The following TIAM1 variants were observed in gnomAD, a reference collection of about 807,000 sequenced individuals.
TIAM1 encodes the protein TIAM Rac1 associated GEF 1.
In TIAM1, 65 loss-of-function variants were observed where a neutral mutation model predicts 163.5. The ratio of observed to expected loss-of-function variants is 0.40; its 90% CI spans 0.33 to 0.49. The LOEUF (loss-of-function observed/expected upper bound fraction) is 0.49. Ranked by LOEUF, TIAM1 falls within the 20% of genes least tolerant of loss-of-function variation. TIAM1 has a pLI of 0.77. For missense variants in TIAM1, 1,789 were observed against 2,044.7 expected (o/e 0.87, Z 2.41); for synonymous variants, 833 against 810.1 (o/e 1.03, Z -0.48).
intron 2 of TIAM1, among the ~76,000 whole-genome samples, chr21:31,312,083 T>C (rs2074952172): frequency 6.6e-6 from 1 of 152,246 alleles, no homozygotes; most frequent in African/African-American, 2.4e-5. Flanking sequence ...GGCCACAGAC[T>C]GAAGGATGCA....
At chr21:31,427,493 AT>A (rs2043837669) in intron 2 of TIAM1, among the ~76,000 whole-genome samples, 3 of 152,106 alleles carry the variant, frequency 2.0e-5, no homozygotes, top group African/African-American at 2.4e-5. Context: ...TCTCAAAAAA[AT>A]AATAATAAAT....
rs73899663 is a variant in TIAM1, at chr21:31,141,302, G to C, written c.3655+23C>G. 8.0e-3 allele frequency: 12,951 copies of C among 1,613,376 alleles called. 843 individuals are homozygous for C. The African/African-American group carries it at 0.15, about 19-fold the overall frequency. On this transcript the variant is annotated intron_variant, in intron 21 of 27. Coordinates refer to ENST00000541036, the MANE Select transcript of TIAM1 (RefSeq NM_001353694.2). The surrounding 1 kb of genome is among the most constrained non-coding windows in gnomAD (Gnocchi z 4.7). Reference sequence around the variant, plus strand: ...ACCCTCATGGAGACTCAGGCCTGCCGGGGGTCCCAGGCCGAGGCCTACCGT... The same window carrying C: ...ACCCTCATGGAGACTCAGGCCTGCCCGGGGTCCCAGGCCGAGGCCTACCGT...
chr21:31,499,626 C>T (rs113093354), intron 1 of TIAM1, among the ~76,000 whole-genome samples: 7 of 150,982 alleles, frequency 4.6e-5, no homozygotes, highest in East Asian at 2.0e-4. Context: ...CCGAGGAAGA[C>T]GGATAACAAG....
rs2045756525 is a variant in TIAM1, at chr21:31,471,919, G to A, written c.-421-7884C>T. On this transcript the variant is annotated intron_variant, in intron 1 of 28. Transcript: ENST00000286827. ...TAATAATAAAGGGAGTGGCAAGCCA[G>A]CCAGGCAATGCCACCTGAGAGGGGC... is the stretch of plus-strand genomic sequence containing the variant. Among the ~76,000 whole-genome samples, 3 of 149,794 alleles carry A rather than the reference G, an allele frequency of 2.0e-5. No individual in the cohort carries two copies. In the South Asian group the frequency reaches 6.2e-4, roughly 31 times the overall value.
At chr21:31,225,670 AAC>A in intron 7 of TIAM1, 54 bp downstream of exon 7, 2 of 1,456,198 alleles carry the variant, frequency 1.4e-6, no homozygotes, top group Non-Finnish European at 9.4e-7. Flanking sequence ...AAAAAAAAAA[AAC>A]CCTTTTAGAG....
chr21:31,349,397 A>G (rs942606950), intron 2 of TIAM1, among the ~76,000 whole-genome samples: 3 of 152,168 alleles, frequency 2.0e-5, no homozygotes, highest in African/African-American at 7.2e-5. Context: ...GCAATAAACC[A>G]TATGGGGCCA....
chr21:31,223,487 C>A lies in TIAM1; in HGVS notation c.1914G>T (p.Arg638Ser). Residue 638 changes from arginine to serine, a missense_variant, in exon 8 of 28, where the codon AGG (arginine) becomes AGT (serine). This residue lies in a region of TIAM1 where 456 missense variants were observed against 586.6 expected (regional missense o/e 0.78). Coordinates refer to ENST00000541036, the MANE Select transcript of TIAM1 (RefSeq NM_001353694.2). ...TTGGTCGACTTGCAAAAGCGAGAAG[C>A]CTTTTGGGGTTTGGCAGCTCCCCAC... Reference protein sequence around the residue: ...LQGGELPNPKRLLAFASRPTK... With the variant: ...LQGGELPNPKSLLAFASRPTK... The A allele has an allele frequency of 6.2e-7, 1 of 1,613,944 alleles. No homozygotes were observed. The highest frequency in any genetic ancestry group is 8.5e-7 in the Non-Finnish European group (1 of 1,179,936).
At chr21:31,422,430 T>C (rs559306406) in intron 2 of TIAM1, among the ~76,000 whole-genome samples, 3 of 152,248 alleles carry the variant, frequency 2.0e-5, no homozygotes, top group Admixed American at 6.5e-5. Context: ...GCAAGAGCAT[T>C]AGAGTGCAGA....
At chr21:31,558,402 G>T (rs1212856046) in intron 1 of TIAM1, among the ~76,000 whole-genome samples, 1 of 152,112 alleles carries the variant, frequency 6.6e-6, no homozygotes, top group Non-Finnish European at 1.5e-5. Flanking sequence ...CCGGCCCCGA[G>T]GGCGGCACGG....
intron 3 of TIAM1, among the ~76,000 whole-genome samples, chr21:31,269,671 GTTT>G (rs11350283): frequency 3.2e-5 from 4 of 124,276 alleles, no homozygotes; most frequent in Admixed American, 1.6e-4. Flanking sequence ...AAGTTTGTTT[GTTT>G]TTTTTTTTTT....
At chr21:31,216,973 T>C (rs911312204) in intron 9 of TIAM1, among the ~76,000 whole-genome samples, 1 of 152,084 alleles carries the variant, frequency 6.6e-6, no homozygotes, top group Non-Finnish European at 1.5e-5. Flanking sequence ...TTGGGGAGGC[T>C]GAGGCGGGTG....
chr21:31,459,114 T>TATTGATTG lies in TIAM1; in HGVS notation c.-369+4861_-369+4868dup, dbSNP rs150505357. On this transcript the variant is annotated intron_variant, in intron 2 of 28. Transcript: ENST00000286827. ...CGGAGGAGTAAGGAGACTTGATTGC[T>TATTGATTG]ATTGATTGATTGATTGATTGACTGA... Among the ~76,000 whole-genome samples, 26 of 151,284 alleles carry TATTGATTG rather than the reference T, an allele frequency of 1.7e-4. 1 individual carries two copies. Among genetic ancestry groups the TATTGATTG allele is most frequent in the South Asian group, 1.3e-3 (6 of 4,766 alleles).
chr21:31,233,151 C>T (rs757804741), intron 6 of TIAM1, among the ~76,000 whole-genome samples: 3 of 151,730 alleles, frequency 2.0e-5, no homozygotes, highest in Non-Finnish European at 4.4e-5. Flanking sequence ...ATTTTAAACA[C>T]GAGAAATACT....
intron 16 of TIAM1, among the ~76,000 whole-genome samples, chr21:31,158,682 C>A (rs936860157): frequency 6.6e-5 from 10 of 152,102 alleles, no homozygotes; most frequent in African/African-American, 2.2e-4. Flanking sequence ...TAACACCCCC[C>A]CAAATTTTTT....
Position 31,306,375 on chromosome 21 carries a change from T to C in TIAM1, c.-188-29467A>G, listed in dbSNP as rs372808968. Among the ~76,000 whole-genome samples, 19 of 152,130 alleles carry C rather than the reference T, an allele frequency of 1.2e-4. No homozygotes were observed. In the East Asian group the frequency reaches 2.1e-3, roughly 17 times the overall value. Reference sequence around the variant, plus strand: ...CAAGTCCATATAGAGAGAAATAAAATTGGAAATCTGATGAGAAAGAAGAGA... The same window carrying C: ...CAAGTCCATATAGAGAGAAATAAAACTGGAAATCTGATGAGAAAGAAGAGA... On this transcript the variant is annotated intron_variant, in intron 2 of 27. Transcript: ENST00000541036.
chr21:31,540,433 C>T (rs1418645618), intron 1 of TIAM1, among the ~76,000 whole-genome samples: 1 of 149,968 alleles, frequency 6.7e-6, no homozygotes, highest in Non-Finnish European at 1.5e-5. Context: ...TAGTCCTAAA[C>T]ACCACTTATA....
chr21:31,172,714 G>C (rs966756828), intron 15 of TIAM1, among the ~76,000 whole-genome samples: 1 of 152,142 alleles, frequency 6.6e-6, no homozygotes, highest in African/African-American at 2.4e-5. Context: ...ATCAAAAGCT[G>C]CTATAGAGCC....
rs572203863 is a variant in TIAM1, at chr21:31,498,902, T to C, written c.-421-34867A>G. On this transcript the variant is annotated intron_variant, in intron 1 of 28. Transcript: ENST00000286827. ...CGGGGGTTGCAGTGAGCCGAGATCA[T>C]GCCACTGCACTCCAGCCTGGGCTAC... Among the ~76,000 whole-genome samples, 316 of 148,840 alleles carry C rather than the reference T, an allele frequency of 2.1e-3. 1 individual carries two copies. The highest frequency in any genetic ancestry group is 3.8e-3 in the Non-Finnish European group (255 of 67,610).
At chr21:31,238,978 A>G (rs1414388741) in intron 6 of TIAM1, among the ~76,000 whole-genome samples, 2 of 152,246 alleles carry the variant, frequency 1.3e-5, no homozygotes, top group African/African-American at 4.8e-5. Flanking sequence ...TGTGACTCAC[A>G]TTAAGATGGT....
Sources: gnomAD v4.1 joint callset for allele counts (sites outside exome capture counted in the v4.1 genomes callset) on GRCh38, gnomAD v4.1.1 for gene constraint, gnomAD v4.1.1 regional missense constraint, Gnocchi (gnomAD v3.1) non-coding constraint, MANE v1.5 for transcripts, NCBI Gene and HGNC (gene_info 2026-07-23, HGNC 2026-07-21) for gene names.